Variants in CDK7 observed in about 807,000 individuals in gnomAD.
CDK7 encodes cyclin dependent kinase 7.
CDK7 carries 25 observed loss-of-function variants against 49.1 expected under a neutral mutation model. The observed-to-expected ratio is 0.51, with a 90% CI of 0.37 to 0.71. The LOEUF (loss-of-function observed/expected upper bound fraction) is 0.71. Among genes scored for constraint, CDK7 ranks in the 30% least tolerant of loss-of-function variants. The probability of loss-of-function intolerance (pLI) is 0.00; values close to 1 mark genes in which losing one functional copy is unlikely to be tolerated. For synonymous variants in CDK7, 107 were observed against 140.0 expected, an observed-to-expected ratio of 0.76 and a Z score of 1.67; for missense variants, 316 against 411.7, an observed-to-expected ratio of 0.77 and a Z score of 2.01.
At chr5:69,247,992 TA>T (rs1166267574) in intron 2 of CDK7, among the ~76,000 whole-genome samples, 5 of 152,248 alleles carry the variant, frequency 3.3e-5, no homozygotes, top group Non-Finnish European at 7.3e-5. Flanking sequence ...ATTACAGTGT[TA>T]TAATATTATG....
chr5:69,254,615 C>A lies in CDK7; in HGVS notation c.174C>A (p.Thr58=). 1 of 1,494,966 alleles carries A rather than the reference C, an allele frequency of 6.7e-7. No homozygotes were observed. Among genetic ancestry groups the A allele is most frequent in the Non-Finnish European group, 9.3e-7 (1 of 1,072,868 alleles). 92.6% of individuals were successfully genotyped at this position (1,494,966 alleles called of 1,614,324 possible). The change falls in exon 4 of 12, where the codon ACC becomes ACA. Residue 58 remains threonine, a synonymous_variant. Coordinates refer to ENST00000256443, the MANE Select transcript of CDK7 (RefSeq NM_001799.4). ...RSEAKDGINR[T]ALREIKLLQE... is the part of the protein sequence containing the mutation. ...CTTTTTATATAGGTATAAATAGAACCGCCTTAAGAGAGATAAAATTATTAC... is the reference window on the plus strand; with the variant it reads ...CTTTTTATATAGGTATAAATAGAACAGCCTTAAGAGAGATAAAATTATTAC...
rs1212618342 is a variant in CDK7 at position 69,265,212 on chromosome 5, C to A, written c.627+2908C>A. On this transcript the variant is annotated intron_variant, in intron 8 of 11. Transcript: ENST00000256443. ...CCTGGGAGGTAGAGCTTGCAGTGAG[C>A]CAAGATCGCACCACTGCACTCCAGC... Among the ~76,000 whole-genome samples the A allele has an allele frequency of 6.0e-5, 9 of 151,138 alleles. 1 individual carries two copies. Among genetic ancestry groups the A allele is most frequent in the Admixed American group, 5.3e-4 (8 of 15,144 alleles).
intron 2 of CDK7, chr5:69,250,731 A>C (rs1239113647): frequency 8.8e-6 from 4 of 455,952 alleles, no homozygotes; most frequent in Non-Finnish European, 1.8e-5. Flanking sequence ...CTTCCCTCTC[A>C]TTTTCTCAAA....
chr5:69,253,937 G>A (rs763332803), intron 3 of CDK7, among the ~76,000 whole-genome samples: 1 of 151,750 alleles, frequency 6.6e-6, no homozygotes, highest in Admixed American at 6.6e-5. Context: ...CATCTCTAAC[G>A]AAAATACAAA....
At position 69,235,416 on chromosome 5, in the gene CDK7, G is replaced by A. The variant is rs1245007515; in HGVS notation, c.89G>A (p.Arg30Lys). The change falls in exon 2 of 12, where the codon AGA (arginine) becomes AAA (lysine). Residue 30 changes from arginine to lysine, a missense_variant. Coordinates refer to ENST00000256443, the MANE Select transcript of CDK7 (RefSeq NM_001799.4). ...EGQFATVYKA[R>K]DKNTNQIVAI... ...TAGTTTGCCACCGTTTACAAGGCCA[G>A]AGATAAGAACACCAACCAAATTGTC... The A allele has an allele frequency of 2.5e-6, 4 of 1,605,244 alleles. No homozygotes were observed. In the East Asian group the frequency reaches 6.7e-5, roughly 27 times the overall value.
intron 2 of CDK7, 155 bp downstream of exon 2, chr5:69,235,608 C>A: frequency 1.5e-6 from 1 of 646,362 alleles, no homozygotes; most frequent in Admixed American, 2.9e-5. Flanking sequence ...TTTGTGTTCC[C>A]AAACGGAACT....
At chr5:69,246,707 G>GT (rs1275146467) in intron 2 of CDK7, among the ~76,000 whole-genome samples, 136 of 140,226 alleles carry the variant, frequency 9.7e-4, no homozygotes, top group African/African-American at 3.7e-3. Context: ...TTTTGTTTTT[G>GT]GTTTTTTTTT....
At chr5:69,255,828 T>C (rs916805443) in intron 5 of CDK7, 14 of 218,226 alleles carry the variant, frequency 6.4e-5, no homozygotes, top group African/African-American at 3.0e-4. Context: ...TTTGTTTGCT[T>C]TTTTTTTTTT....
chr5:69,252,650 TAA>T (rs1318198145), intron 3 of CDK7, among the ~76,000 whole-genome samples, 199 bp downstream of exon 3: 2 of 151,964 alleles, frequency 1.3e-5, no homozygotes. Context: ...GCTAGGGCTG[TAA>T]ACATGTGCCA....
intron 8 of CDK7, among the ~76,000 whole-genome samples, chr5:69,266,628 C>T (rs1751176515): frequency 6.6e-6 from 1 of 151,342 alleles, no homozygotes; most frequent in Admixed American, 6.6e-5. Context: ...TCTGGGAAAG[C>T]AGGTATGCAT....
At chr5:69,255,111 G>C (rs1457245900) in intron 4 of CDK7, among the ~76,000 whole-genome samples, 1 of 151,854 alleles carries the variant, frequency 6.6e-6, no homozygotes, top group Non-Finnish European at 1.5e-5. Context: ...TTCAATGATA[G>C]CTGCTGTTAT....
chr5:69,266,443 G>A (rs1028466292), intron 8 of CDK7, among the ~76,000 whole-genome samples: 2 of 152,094 alleles, frequency 1.3e-5, no homozygotes, highest in African/African-American at 4.8e-5. Context: ...ACAAAAATTA[G>A]CTGGGCATGG....
intron 2 of CDK7, among the ~76,000 whole-genome samples, chr5:69,247,272 G>T (rs2327638): frequency 0.28 from 42,266 of 152,046 alleles, 6,499 homozygotes; most frequent in East Asian, 0.4. Flanking sequence ...GTGCTCCATT[G>T]TTGGGTGCAT....
rs893909753 is a variant in CDK7, at chr5:69,248,254, C to T, written c.127-4164C>T. ...GTTATTTTCCTTCAGCACTTTATAT[C>T]ATGCCAGTCTCTCCTGTCCTGTAAA... On this transcript the variant is annotated intron_variant, in intron 2 of 11. Coordinates refer to ENST00000256443, the MANE Select transcript of CDK7 (RefSeq NM_001799.4). Among the ~76,000 whole-genome samples, 3 of 152,298 alleles carry T rather than the reference C, an allele frequency of 2.0e-5. No homozygotes were observed. In the East Asian group the frequency reaches 5.8e-4, roughly 29 times the overall value.
chr5:69,241,761 AT>A (rs1042797806), intron 2 of CDK7, among the ~76,000 whole-genome samples: 1 of 151,976 alleles, frequency 6.6e-6, no homozygotes, highest in Non-Finnish European at 1.5e-5. Flanking sequence ...GGATTATTAG[AT>A]TTTTTTCATA....
chr5:69,237,676 C>T (rs544619606), intron 2 of CDK7, among the ~76,000 whole-genome samples: 17 of 152,254 alleles, frequency 1.1e-4, no homozygotes, highest in African/African-American at 3.1e-4. Flanking sequence ...TTCAGCTGGG[C>T]GCGGTGGCTC....
At chr5:69,268,083 C>T (rs931533036) in intron 8 of CDK7, among the ~76,000 whole-genome samples, 2 of 152,176 alleles carry the variant, frequency 1.3e-5, no homozygotes, top group Non-Finnish European at 2.9e-5. Context: ...GCCTCAGCCT[C>T]CTGAGGAGCT....
intron 2 of CDK7, among the ~76,000 whole-genome samples, chr5:69,251,407 G>A (rs981741839): frequency 6.6e-6 from 1 of 151,984 alleles, no homozygotes; most frequent in African/African-American, 2.4e-5. Flanking sequence ...CAATGCCCCA[G>A]TAACTTTTTA....
chr5:69,242,339 G>A (rs574264917), intron 2 of CDK7, among the ~76,000 whole-genome samples: 1 of 152,246 alleles, frequency 6.6e-6, no homozygotes, highest in Admixed American at 6.5e-5. Context: ...AAATTGTAGA[G>A]AGTTGAAACT....
Sources: allele counts gnomAD v4.1 joint callset (sites outside exome capture counted in the v4.1 genomes callset), GRCh38; gene constraint gnomAD v4.1.1; transcripts MANE v1.5; gene names NCBI Gene and HGNC (gene_info 2026-07-23, HGNC 2026-07-21).